Variants in ZBP1 observed in about 807,000 individuals in gnomAD.
ZBP1 encodes Z-DNA-binding protein 1.
Under a neutral mutation model 41.1 loss-of-function variants are expected in ZBP1, and 42 were observed. That is an observed-to-expected ratio of 1.02 (90% CI 0.80 to 1.32). ZBP1 has a LOEUF of 1.32. Among genes scored for constraint, ZBP1 ranks in the 40% most tolerant of loss-of-function variants. ZBP1 has a pLI of 0.00. For missense variants in ZBP1, 562 were observed against 549.7 expected (o/e 1.02, Z -0.22); for synonymous variants, 214 against 205.2 (o/e 1.04, Z -0.37).
chr20:57,604,366 C>A lies in ZBP1; in HGVS notation c.*207G>T, dbSNP rs6064572. 0.35 allele frequency: 250,230 copies of A among 706,124 alleles called. 47,633 individuals carry two copies. The highest frequency in any genetic ancestry group is 0.51 in the East Asian group (18,197 of 35,412). 43.7% of individuals were successfully genotyped at this position (706,124 alleles called of 1,614,324 possible). A position where few individuals can be genotyped will look rare whatever the true frequency, so the allele number is the denominator to read the frequency against. On this transcript the variant is annotated 3_prime_UTR_variant, in exon 8 of 8. Transcript: ENST00000371173. ...GCACACCAAAGGTTCCCCAAGGCAA[C>A]TCCCTGTCATCTACTCCTGGCCATC...
intron 7 of ZBP1, 38 bp from the exon 8 acceptor site, chr20:57,604,807 C>G (rs772398526): frequency 6.3e-7 from 1 of 1,591,656 alleles, no homozygotes; most frequent in Non-Finnish European, 8.6e-7. Flanking sequence ...TTCATGGGCA[C>G]GTGGCCTGGG....
chr20:57,611,061 C>T (rs2070653693), intron 6 of ZBP1, among the ~76,000 whole-genome samples: 1 of 152,166 alleles, frequency 6.6e-6, no homozygotes, highest in Non-Finnish European at 1.5e-5. Context: ...GCCCTCTGGT[C>T]ACTGCAGCCA....
chr20:57,612,984 G>A, intron 5 of ZBP1, 179 bp downstream of exon 5: 1 of 1,446,056 alleles, frequency 6.9e-7, no homozygotes, highest in Admixed American at 2.7e-5. Context: ...GGAGAGCTTT[G>A]ATCCAGGTGT....
intron 7 of ZBP1, among the ~76,000 whole-genome samples, chr20:57,609,622 G>C (rs1214517541): frequency 6.6e-6 from 1 of 151,948 alleles, no homozygotes; most frequent in Non-Finnish European, 1.5e-5. Flanking sequence ...AGAAACCCTG[G>C]TCTGCTACCC....
chr20:57,613,405 C>T lies in ZBP1; in HGVS notation c.503-75G>A. ...GGGTTCCCAATACCAGTCGGCAGCA[C>T]CAAATTCTCCTGGGGAGCTTGTTAA... On this transcript the variant is annotated intron_variant, in intron 4 of 7. Transcript: ENST00000371173. The surrounding 1 kb of genome is among the most constrained non-coding windows in gnomAD (Gnocchi z 4.5). 6.7e-7 allele frequency: 1 copy of T among 1,488,640 alleles called. No individual in the cohort carries two copies. The highest frequency in any genetic ancestry group is 9.2e-7 in the Non-Finnish European group (1 of 1,091,700). The allele number at this position is 1,488,640 out of a possible 1,614,324, so 92.2% of individuals were successfully genotyped here.
rs754852785 is a variant in ZBP1, at chr20:57,610,341, C to T, written c.901G>A (p.Ala301Thr). The T allele has an allele frequency of 1.9e-6, 3 of 1,614,074 alleles. No homozygotes were observed. The highest frequency in any genetic ancestry group is 2.7e-5 in the African/African-American group (2 of 74,922). ...PVSATAAGPE[A>T]SFEARIPSPG... ...CTGGGAATTCTTGCTTCAAACGAAG[C>T]TTCTGGGCCGGCAGCAGTGGCAGAG... The change falls in exon 7 of 8, where the codon GCT (alanine) becomes ACT (threonine). Residue 301 changes from alanine (A) to threonine (T), a missense_variant. By Grantham distance (58) the Ala-to-Thr change is moderately conservative. Coordinates refer to ENST00000371173, the MANE Select transcript of ZBP1 (RefSeq NM_030776.3). The surrounding 1 kb of genome is among the most constrained non-coding windows in gnomAD (Gnocchi z 5.5).
chr20:57,606,987 T>A (rs2070514075), intron 7 of ZBP1: 1 of 1,211,482 alleles, frequency 8.3e-7, no homozygotes, highest in Non-Finnish European at 1.1e-6. Flanking sequence ...AGAATTAACA[T>A]TGTTTTCATG....
chr20:57,604,538 C>A lies in ZBP1; in HGVS notation c.*35G>T. 2.5e-6 allele frequency: 4 copies of A among 1,606,858 alleles called. No homozygotes were observed. The highest frequency in any genetic ancestry group is 3.4e-6 in the Non-Finnish European group (4 of 1,175,388). On this transcript the variant is annotated 3_prime_UTR_variant, in exon 8 of 8. Coordinates refer to ENST00000371173, the MANE Select transcript of ZBP1 (RefSeq NM_030776.3). ...TAGTCTCCCTAGCATGCGCCCACCC[C>A]CAGCCTGTGTCCAAGCCCCACGTGA... is the stretch of plus-strand genomic sequence containing the variant.
chr20:57,611,774 C>A lies in ZBP1; in HGVS notation c.827G>T (p.Gly276Val). 1 of 1,612,712 alleles carries A rather than the reference C, an allele frequency of 6.2e-7. No individual in the cohort carries two copies. Among genetic ancestry groups the A allele is most frequent in the Non-Finnish European group, 8.5e-7 (1 of 1,179,652 alleles). Reference sequence around the variant, plus strand: ...GTGGGCAGGGCCCTCGGACGGGACGCCGTGGAGCCTCATCTCATTGCTGTG... The same window carrying A: ...GTGGGCAGGGCCCTCGGACGGGACGACGTGGAGCCTCATCTCATTGCTGTG... Reference protein sequence around the residue: ...LGHSNEMRLHGVPSEGPAHIP... With the variant: ...LGHSNEMRLHVVPSEGPAHIP... The change falls in exon 6 of 8, where the codon GGC becomes GTC. Residue 276 changes from glycine (G) to valine (V), a missense_variant. Coordinates refer to ENST00000371173, the MANE Select transcript of ZBP1 (RefSeq NM_030776.3).
chr20:57,615,240 G>GTGC, intron 3 of ZBP1, 180 bp from the exon 4 acceptor site: 2 of 731,622 alleles, frequency 2.7e-6, no homozygotes, highest in Non-Finnish European at 4.5e-6. Context: ...GAGGGTGGGG[G>GTGC]ATGTGCACAG....
chr20:57,617,242 C>T (rs990609980), intron 1 of ZBP1: 1 of 154,632 alleles, frequency 6.5e-6, no homozygotes, highest in Non-Finnish European at 1.4e-5. Flanking sequence ...TCTGTGCTCC[C>T]TTCAGCCCCA....
chr20:57,607,125 C>CTGGGCAAAGTAAGTTGAAAATCTT, intron 7 of ZBP1: 1 of 1,304,272 alleles, frequency 7.7e-7, no homozygotes, highest in Non-Finnish European at 1.0e-6. Flanking sequence ...TCAGATGGAT[C>CTGGGCAAAGTAAGTTGAAAATCTT]TGGGCAAAGT....
At chr20:57,618,866 C>A (rs767388385) in intron 1 of ZBP1, among the ~76,000 whole-genome samples, 26 of 152,216 alleles carry the variant, frequency 1.7e-4, no homozygotes, top group Non-Finnish European at 2.2e-4. Flanking sequence ...CAGGCGTGAG[C>A]CACTGCGCCT....
chr20:57,605,898 C>T (rs552805646), intron 7 of ZBP1, among the ~76,000 whole-genome samples: 3 of 152,270 alleles, frequency 2.0e-5, no homozygotes, highest in Admixed American at 6.5e-5. Context: ...TGTGCCATTG[C>T]ACTCCAGCCT....
intron 1 of ZBP1, among the ~76,000 whole-genome samples, chr20:57,619,836 AT>A (rs940213839): frequency 0.027 from 3,597 of 134,110 alleles, 131 homozygotes; most frequent in African/African-American, 0.089. Flanking sequence ...GTCCCTTTCT[AT>A]TTTTTTTTTT....
chr20:57,610,612 G>T lies in ZBP1; in HGVS notation c.875-245C>A, dbSNP rs553145012. ...GCAGTGGGTCTGCCCCACTGATCCC[G>T]CCCGGCTGATCTGGACGTCAGTGTC... On this transcript the variant is annotated intron_variant, in intron 6 of 7. Coordinates refer to ENST00000371173, the MANE Select transcript of ZBP1 (RefSeq NM_030776.3). This position sits in a 1 kb window ranked among gnomAD's most constrained non-coding sequence, Gnocchi z 5.5. The T allele has an allele frequency of 1.1e-5, 6 of 571,398 alleles. No homozygotes were observed. In the East Asian group the frequency reaches 1.8e-4, roughly 17 times the overall value. The allele number at this position is 571,398 out of a possible 1,614,324, so 35.4% of individuals were successfully genotyped here.
chr20:57,611,790 C>T lies in ZBP1; in HGVS notation c.811G>A (p.Glu271Lys). The change falls in exon 6 of 8, where the codon GAG becomes AAG. Residue 271 changes from glutamate (E) to lysine (K), a missense_variant. Coordinates refer to ENST00000371173, the MANE Select transcript of ZBP1 (RefSeq NM_030776.3). Reference protein sequence around the residue: ...LRRVQLGHSNEMRLHGVPSEG... With the variant: ...LRRVQLGHSNKMRLHGVPSEG... ...GACGGGACGCCGTGGAGCCTCATCT[C>T]ATTGCTGTGTCCCAGCTGCACCCGT... 5 of 1,612,856 alleles carry T rather than the reference C, an allele frequency of 3.1e-6. No homozygotes were observed. The highest frequency in any genetic ancestry group is 4.2e-6 in the Non-Finnish European group (5 of 1,179,660).
In ZBP1 at chr20:57,613,968, C is replaced by T. The variant is rs529429735; in HGVS notation, c.503-638G>A. On this transcript the variant is annotated intron_variant, in intron 4 of 7. Coordinates refer to ENST00000371173, the MANE Select transcript of ZBP1 (RefSeq NM_030776.3). The surrounding 1 kb of genome is among the most constrained non-coding windows in gnomAD (Gnocchi z 4.5). ...CTCCTGTGCCTTTGTGGGCCCTTCC[C>T]CCATACACAAATATTTAAATTACAT... is the stretch of plus-strand genomic sequence containing the variant. Among the ~76,000 whole-genome samples the T allele has an allele frequency of 5.5e-4, 84 of 152,328 alleles. No individual in the cohort carries two copies. The highest frequency in any genetic ancestry group is 2.0e-3 in the African/African-American group (82 of 41,570).
In ZBP1 at chr20:57,613,438, T is replaced by C; in HGVS notation, c.503-108A>G. On this transcript the variant is annotated intron_variant, in intron 4 of 7. Transcript: ENST00000371173. This position sits in a 1 kb window ranked among gnomAD's most constrained non-coding sequence, Gnocchi z 4.5. ...TCCTGGGGAGCTTGTTAAAATACCC[T>C]GGGCGTTCCGAGTCAGTAGGGCCAA... 1 of 1,279,906 alleles carries C rather than the reference T, an allele frequency of 7.8e-7. No individual in the cohort carries two copies. Among genetic ancestry groups the C allele is most frequent in the Non-Finnish European group, 1.1e-6 (1 of 912,966 alleles). The allele number at this position is 1,279,906 out of a possible 1,614,324, so 79.3% of individuals were successfully genotyped here. A position where few individuals can be genotyped will look rare whatever the true frequency, so the allele number is the denominator to read the frequency against.
Sources: gnomAD v4.1 joint callset for allele counts (sites outside exome capture counted in the v4.1 genomes callset) on GRCh38, gnomAD v4.1.1 for gene constraint, Gnocchi (gnomAD v3.1) non-coding constraint, MANE v1.5 for transcripts, NCBI Gene and HGNC (gene_info 2026-07-23, HGNC 2026-07-21) for gene names.